GPHN: variants seen among roughly 807,000 people sequenced by gnomAD.
GPHN encodes the protein gephyrin.
Under a neutral mutation model 95.5 loss-of-function variants are expected in GPHN, and 17 were observed. The ratio of observed to expected loss-of-function variants is 0.18; its 90% CI spans 0.12 to 0.27. The LOEUF is 0.27. Among genes scored for constraint, GPHN ranks in the 10% least tolerant of loss-of-function variants. The pLI is 1.00. For synonymous variants in GPHN, 320 were observed against 322.5 expected (o/e 0.99, Z 0.08); for missense variants, 660 against 978.1 (o/e 0.67, Z 4.34).
chr14:66,845,552 A>T (rs1439286678), intron 4 of GPHN, among the ~76,000 whole-genome samples: 1 of 152,142 alleles, frequency 6.6e-6, no homozygotes, highest in African/African-American at 2.4e-5. Context: ...TTTGAAATGG[A>T]ATAATGTGGG....
chr14:67,559,886 C>A, the GPHN span, among the ~76,000 whole-genome samples: 1 of 152,164 alleles, frequency 6.6e-6, no homozygotes, highest in African/African-American at 2.4e-5. Context: ...TTGGGTCTCC[C>A]TGGAGCTCCT....
chr14:66,567,618 G>A (rs1401799475), intron 1 of GPHN, among the ~76,000 whole-genome samples: 1 of 152,138 alleles, frequency 6.6e-6, no homozygotes, highest in Non-Finnish European at 1.5e-5. Context: ...TTTCCTTAGG[G>A]AATGATAATC....
At chr14:66,594,508 A>T (rs1178990547) in intron 1 of GPHN, among the ~76,000 whole-genome samples, 2 of 152,174 alleles carry the variant, frequency 1.3e-5, no homozygotes, top group Non-Finnish European at 2.9e-5. Context: ...CCAGAAAAAA[A>T]TCCACACATT....
intron 5 of GPHN, among the ~76,000 whole-genome samples, chr14:66,900,708 A>G (rs964387778): frequency 6.6e-6 from 1 of 152,032 alleles, no homozygotes; most frequent in Non-Finnish European, 1.5e-5. Context: ...ATGTTCCTGC[A>G]AATGATAGGA....
At chr14:67,074,470 G>C (rs1417802858) in intron 11 of GPHN, among the ~76,000 whole-genome samples, 2 of 152,014 alleles carry the variant, frequency 1.3e-5, no homozygotes, top group East Asian at 3.9e-4. Context: ...TTTGCCAATT[G>C]GCTGTTCCCT....
At chr14:67,312,405 C>G in the GPHN span, 861 of 618,176 alleles carry the variant, frequency 1.4e-3, 1 homozygote, top group Non-Finnish European at 1.8e-3. Flanking sequence ...TACTGAGATG[C>G]TGTCTCTATT....
At chr14:67,142,104 C>G (rs1267635455) in intron 17 of GPHN, among the ~76,000 whole-genome samples, 1 of 152,120 alleles carries the variant, frequency 6.6e-6, no homozygotes, top group Non-Finnish European at 1.5e-5. Flanking sequence ...CAGGGTTACT[C>G]CCTTTTTAGT....
the GPHN span, among the ~76,000 whole-genome samples, chr14:67,513,601 GCA>G: frequency 6.6e-6 from 1 of 152,178 alleles, no homozygotes; most frequent in South Asian, 2.1e-4. Flanking sequence ...TGTCATCTCA[GCA>G]CACCCCTGAG....
At chr14:66,585,809 C>G (rs1269005186) in intron 1 of GPHN, among the ~76,000 whole-genome samples, 7 of 152,004 alleles carry the variant, frequency 4.6e-5, no homozygotes, top group Admixed American at 1.3e-4. Context: ...TTACTTCCAA[C>G]TATGTGGTCA....
At chr14:66,674,538 A>T (rs1003609928) in intron 1 of GPHN, among the ~76,000 whole-genome samples, 1 of 152,174 alleles carries the variant, frequency 6.6e-6, no homozygotes, top group Non-Finnish European at 1.5e-5. Context: ...TTTAATGGAT[A>T]CTACATATGC....
the GPHN span, among the ~76,000 whole-genome samples, chr14:67,675,637 C>T: frequency 6.6e-6 from 1 of 152,142 alleles, no homozygotes; most frequent in Non-Finnish European, 1.5e-5. Flanking sequence ...CAAGCGTAGG[C>T]ATTGCGAGGG....
chr14:67,614,612 A>T, the GPHN span, among the ~76,000 whole-genome samples: 1 of 151,920 alleles, frequency 6.6e-6, no homozygotes, highest in South Asian at 2.1e-4. Context: ...AAAAAAAAAA[A>T]TTTGCTGGGT....
the GPHN span, among the ~76,000 whole-genome samples, chr14:67,372,568 C>T: frequency 6.6e-6 from 1 of 152,172 alleles, no homozygotes; most frequent in African/African-American, 2.4e-5. Context: ...CGGTGGCTCA[C>T]GCCTGTTATC....
At chr14:66,536,364 T>A (rs1401796560) in intron 1 of GPHN, among the ~76,000 whole-genome samples, 1 of 152,222 alleles carries the variant, frequency 6.6e-6, no homozygotes, top group African/African-American at 2.4e-5. Context: ...TTACATTGAT[T>A]GATTTTTAAA....
the GPHN span, among the ~76,000 whole-genome samples, chr14:67,378,672 T>G: frequency 6.6e-6 from 1 of 152,274 alleles, no homozygotes; most frequent in Non-Finnish European, 1.5e-5. Context: ...AACTTCTAGT[T>G]CCAGCAACCC....
intron 10 of GPHN, among the ~76,000 whole-genome samples, chr14:67,034,736 A>G (rs2074338796): frequency 6.6e-6 from 1 of 152,168 alleles, no homozygotes; most frequent in African/African-American, 2.4e-5. Context: ...AATATATAAC[A>G]ATTATAAATT....
intron 12 of GPHN, 74 bp downstream of exon 12, chr14:67,089,149 T>TTTTTTTTTTTTG: frequency 1.9e-6 from 1 of 524,460 alleles, no homozygotes; most frequent in Non-Finnish European, 3.5e-6. Context: ...TTTTTTTTTT[T>TTTTTTTTTTTTG]TTTTTTTTTC....
At chr14:66,669,332 C>T (rs901811885) in intron 1 of GPHN, among the ~76,000 whole-genome samples, 1 of 149,984 alleles carries the variant, frequency 6.7e-6, no homozygotes. Context: ...CCATTGCACT[C>T]CAGTCTGGGC....
chr14:66,534,374 C>G (rs1594855146), intron 1 of GPHN, among the ~76,000 whole-genome samples: 1 of 152,084 alleles, frequency 6.6e-6, no homozygotes, highest in Admixed American at 6.5e-5. Context: ...TCTTGCACTT[C>G]ATGTAAAGGG....
Sources: allele counts gnomAD v4.1 joint callset (sites outside exome capture counted in the v4.1 genomes callset), GRCh38; gene constraint gnomAD v4.1.1; transcripts MANE v1.5; gene names NCBI Gene and HGNC (gene_info 2026-07-23, HGNC 2026-07-21).